Variants in PIK3C2A observed in about 807,000 individuals in gnomAD.
PIK3C2A encodes phosphatidylinositol 4-phosphate 3-kinase C2 domain-containing subunit alpha.
In PIK3C2A, 97 loss-of-function variants were observed where a neutral mutation model predicts 204.5. The ratio of observed to expected loss-of-function variants is 0.47; its 90% CI spans 0.40 to 0.56. The LOEUF is 0.56. Among genes scored for constraint, PIK3C2A ranks in the 20% least tolerant of loss-of-function variants. PIK3C2A has a pLI of 0.00. For synonymous variants in PIK3C2A, 653 were observed against 664.4 expected, an observed-to-expected ratio of 0.98 and a Z score of 0.26; for missense variants, 1,735 against 1,969.2, an observed-to-expected ratio of 0.88 and a Z score of 2.25.
intron 15 of PIK3C2A, among the ~76,000 whole-genome samples, chr11:17,120,209 G>T (rs1849327125): frequency 6.6e-6 from 1 of 152,122 alleles, no homozygotes; most frequent in Non-Finnish European, 1.5e-5. Context: ...TTAGGAAAAT[G>T]AAGGATAATT....
rs1421517261 is a variant in PIK3C2A at position 17,119,107 on chromosome 11, G to A, written c.2940+113C>T. On this transcript the variant is annotated intron_variant, in intron 17 of 32. Coordinates refer to ENST00000691414, the MANE Select transcript of PIK3C2A (RefSeq NM_002645.4). ...AAATCCAAATGCAATGCCCCTCAAT[G>A]TTCCCACACTAAAAAACGACTTTTA... The A allele has an allele frequency of 9.0e-6, 6 of 665,602 alleles. No individual in the cohort carries two copies. The Admixed American group carries it at 1.1e-4, about 12-fold the overall frequency. The allele number at this position is 665,602 out of a possible 1,614,324, so 41.2% of individuals were successfully genotyped here.
At chr11:17,094,524 G>A (rs183482297) in intron 27 of PIK3C2A, 139 bp from the exon 28 acceptor site, 1 of 586,864 alleles carries the variant, frequency 1.7e-6, no homozygotes, top group East Asian at 3.1e-5. Context: ...AGGAGTTTGA[G>A]ACCAGCCTGG....
chr11:17,159,920 TC>T (rs893444206), intron 2 of PIK3C2A, among the ~76,000 whole-genome samples: 3 of 152,120 alleles, frequency 2.0e-5, no homozygotes, highest in Non-Finnish European at 2.9e-5. Context: ...AGGAGGAGTT[TC>T]CCCCTTACTT....
rs2137252362 is a variant in PIK3C2A, at chr11:17,088,249, T to C, written c.*1489A>G. The C allele has an allele frequency of 6.6e-6, 1 of 152,256 alleles. No individual in the cohort carries two copies. The highest frequency in any genetic ancestry group is 3.4e-3 in the Middle Eastern group (1 of 294). The allele number at this position is 152,256 out of a possible 1,614,324, so 9.4% of individuals were successfully genotyped here. A position where few individuals can be genotyped will look rare whatever the true frequency, so the allele number is the denominator to read the frequency against. On this transcript the variant is annotated 3_prime_UTR_variant, in exon 33 of 33. Transcript: ENST00000691414. ...TAACTAATAAAAATGAATCTTACTC[T>C]TTTTTTCTTTTTTTTTAAGATGGAG...
At chr11:17,177,637 A>G (rs1425557835) in intron 1 of PIK3C2A, among the ~76,000 whole-genome samples, 3 of 152,216 alleles carry the variant, frequency 2.0e-5, no homozygotes, top group Admixed American at 2.0e-4. Flanking sequence ...ATGACAAGAT[A>G]ATATTCTCAT....
intron 13 of PIK3C2A, among the ~76,000 whole-genome samples, chr11:17,128,311 C>A (rs917963817): frequency 6.8e-6 from 1 of 146,460 alleles, no homozygotes; most frequent in African/African-American, 2.5e-5. Flanking sequence ...GAGGGGCTCA[C>A]TGAAACCTCT....
At chr11:17,175,591 A>G (rs1292917108) in intron 1 of PIK3C2A, among the ~76,000 whole-genome samples, 1 of 152,232 alleles carries the variant, frequency 6.6e-6, no homozygotes, top group Non-Finnish European at 1.5e-5. Flanking sequence ...AAGACAATAT[A>G]ACTAGTATTT....
chr11:17,089,837 C>A lies in PIK3C2A; in HGVS notation c.4962G>T (p.Glu1654Asp). Residue 1654 changes from glutamate (E) to aspartate (D), a missense_variant, in exon 33 of 33, where the codon GAG becomes GAT. Physicochemically the swap from Glu to Asp is conservative, Grantham distance 45. This residue lies in a region of PIK3C2A where 503 missense variants were observed against 669.0 expected (regional missense o/e 0.75). Coordinates refer to ENST00000691414, the MANE Select transcript of PIK3C2A (RefSeq NM_002645.4). ...LSVLSAESLRENFFLGGVTLP... is the reference protein window; with the variant it reads ...LSVLSAESLRDNFFLGGVTLP... ...GGGTTACTCCACCCAAGAAAAAATT[C>A]TCCCGCAGAGATTCTGCACTGAGTA... 2.5e-6 allele frequency: 4 copies of A among 1,613,870 alleles called. No individual in the cohort carries two copies. The highest frequency in any genetic ancestry group is 1.1e-5 in the South Asian group (1 of 91,064).
Position 17,119,278 on chromosome 11 carries a change from G to A in PIK3C2A, c.2882C>T (p.Thr961Ile). Residue 961 changes from threonine (T) to isoleucine (I), a missense_variant, in exon 17 of 33, where the codon ACC becomes ATC. By Grantham distance (89) the Thr-to-Ile change is moderately conservative. Transcript: ENST00000691414. ...ATCATCACTAATGGCCTCAATCCAG[G>A]TCACAGCTAGGGATCTTACTTCCTG... ...ADQEVRSLAV[T>I]WIEAISDDEL... 6.2e-7 allele frequency: 1 copy of A among 1,607,346 alleles called. No homozygotes were observed. The highest frequency in any genetic ancestry group is 8.5e-7 in the Non-Finnish European group (1 of 1,174,652).
chr11:17,188,904 C>T (rs1416232743), intron 1 of PIK3C2A, among the ~76,000 whole-genome samples: 1 of 146,938 alleles, frequency 6.8e-6, no homozygotes, highest in African/African-American at 2.7e-5. Context: ...CATTCCAGGC[C>T]TTCACAGAAT....
At position 17,101,396 on chromosome 11, in the gene PIK3C2A, T is replaced by C; in HGVS notation, c.3890A>G (p.Tyr1297Cys). ...APFVLTSDMA[Y>C]VINGGEKPTI... Reference sequence around the variant, plus strand: ...GGGCTTTTCACCCCCATTAATGACATATGCCATATCAGAGGTCAGCACAAA... The same window carrying C: ...GGGCTTTTCACCCCCATTAATGACACATGCCATATCAGAGGTCAGCACAAA... The change falls in exon 25 of 33, where the codon TAT becomes TGT. Residue 1297 changes from tyrosine to cysteine, a missense_variant. Coordinates refer to ENST00000691414, the MANE Select transcript of PIK3C2A (RefSeq NM_002645.4). 6.3e-7 allele frequency: 1 copy of C among 1,587,950 alleles called. No homozygotes were observed. Among genetic ancestry groups the C allele is most frequent in the Non-Finnish European group, 8.6e-7 (1 of 1,160,792 alleles).
intron 27 of PIK3C2A, among the ~76,000 whole-genome samples, chr11:17,095,673 G>A (rs553813159): frequency 3.6e-4 from 55 of 151,924 alleles, no homozygotes; most frequent in African/African-American, 1.3e-3. Flanking sequence ...ACTTCGAGAG[G>A]CCGAAATGAG....
intron 2 of PIK3C2A, among the ~76,000 whole-genome samples, chr11:17,157,100 A>G (rs1326168173): frequency 6.6e-6 from 1 of 152,230 alleles, no homozygotes; most frequent in South Asian, 2.1e-4. Flanking sequence ...CTAGCATTTC[A>G]TCCTTTGAAG....
rs532739076 is a variant in PIK3C2A at position 17,102,378 on chromosome 11, A to G, written c.3851+284T>C. ...CGTGAACCCGGGAGGCGGAGCTTGC[A>G]GTGAGCCGAGATCGTGCCACTGCAC... On this transcript the variant is annotated intron_variant, in intron 24 of 32. Transcript: ENST00000691414. Among the ~76,000 whole-genome samples the G allele has an allele frequency of 2.6e-5, 4 of 152,350 alleles. No homozygotes were observed. The East Asian group carries it at 5.8e-4, about 22-fold the overall frequency.
chr11:17,180,056 T>C (rs1318794713), intron 1 of PIK3C2A, among the ~76,000 whole-genome samples: 1 of 152,160 alleles, frequency 6.6e-6, no homozygotes, highest in East Asian at 1.9e-4. Flanking sequence ...AAAATAACTT[T>C]TGTTTGGCAA....
At chr11:17,123,421 GTTT>G (rs555389887) in intron 13 of PIK3C2A, among the ~76,000 whole-genome samples, 3 of 121,170 alleles carry the variant, frequency 2.5e-5, no homozygotes, top group African/African-American at 3.0e-5. Flanking sequence ...GCTAATTCTT[GTTT>G]TTTTTTTTTT....
intron 11 of PIK3C2A, among the ~76,000 whole-genome samples, chr11:17,133,977 T>C (rs1327473669): frequency 6.6e-6 from 1 of 152,146 alleles, no homozygotes. Flanking sequence ...AATTGCCTAA[T>C]TAACTGACAT....
At chr11:17,189,381 G>A (rs1352958436) in intron 1 of PIK3C2A, among the ~76,000 whole-genome samples, 2 of 146,200 alleles carry the variant, frequency 1.4e-5, no homozygotes, top group South Asian at 2.1e-4. Context: ...ATGGCAGGCC[G>A]AGGCGGGTGG....
At chr11:17,090,523 A>G (rs1433827540) in intron 32 of PIK3C2A, among the ~76,000 whole-genome samples, 1 of 152,200 alleles carries the variant, frequency 6.6e-6, no homozygotes, top group Non-Finnish European at 1.5e-5. Context: ...GGAGTGATCT[A>G]AGACAAACTG....
Sources: allele counts gnomAD v4.1 joint callset (sites outside exome capture counted in the v4.1 genomes callset), GRCh38; gene constraint gnomAD v4.1.1; regional missense constraint gnomAD v4.1.1; transcripts MANE v1.5; gene names NCBI Gene and HGNC (gene_info 2026-07-23, HGNC 2026-07-21).